The following ATXN7L1 variants were observed in gnomAD, a reference collection of about 807,000 sequenced individuals.
The protein encoded by ATXN7L1 is ataxin 7 like 1, also known as ataxin-7-like protein 1.
ATXN7L1 carries 15 observed loss-of-function variants against 70.8 expected under a neutral mutation model. The observed-to-expected ratio is 0.21, with a 90% CI of 0.14 to 0.33. The LOEUF is 0.33. ATXN7L1 is among the 10% of genes least tolerant of loss of function. The pLI is 1.00. For missense variants in ATXN7L1, 975 were observed against 1,097.1 expected, an observed-to-expected ratio of 0.89 and a Z score of 1.57; for synonymous variants, 440 against 445.1, an observed-to-expected ratio of 0.99 and a Z score of 0.14.
At chr7:105,726,409 A>C (rs1387984792) in intron 3 of ATXN7L1, among the ~76,000 whole-genome samples, 3 of 152,174 alleles carry the variant, frequency 2.0e-5, no homozygotes. Context: ...CACAGAAGTT[A>C]CCTTACATGT....
At position 105,860,949 on chromosome 7, in the gene ATXN7L1, C is replaced by T. The variant is rs553876316; in HGVS notation, c.250+14863G>A. ...GAGTCTGCAGCAGTGCAAGGAGGTG[C>T]GAGATTTGGGGGCAAAGTACACGCT... is the stretch of plus-strand genomic sequence containing the variant. On this transcript the variant is annotated intron_variant, in intron 2 of 11. Coordinates refer to ENST00000419735, the MANE Select transcript of ATXN7L1 (RefSeq NM_020725.2). 5.1e-4 allele frequency among the ~76,000 whole-genome samples: 78 copies of T among 152,230 alleles called. 1 individual carries two copies. Among genetic ancestry groups the T allele is most frequent in the Middle Eastern group, 6.8e-3 (2 of 294 alleles).
At chr7:105,769,317 T>C (rs1209886542) in intron 3 of ATXN7L1, among the ~76,000 whole-genome samples, 1 of 152,134 alleles carries the variant, frequency 6.6e-6, no homozygotes, top group Non-Finnish European at 1.5e-5. Flanking sequence ...TCTGGAAGCG[T>C]GACCATGGAA....
rs182154060 is a variant in ATXN7L1, at chr7:105,619,803, C to T, written c.1517+397G>A. ...AAACTCCTGGCCTCAAGCAATCCTC[C>T]TGCTTTGGCCTCCCAAGCGCTGGGA... On this transcript the variant is annotated intron_variant, in intron 9 of 11. Coordinates refer to ENST00000419735, the MANE Select transcript of ATXN7L1 (RefSeq NM_020725.2). Among the ~76,000 whole-genome samples, 619 of 151,932 alleles carry T rather than the reference C, an allele frequency of 4.1e-3. 6 individuals carry two copies. Among genetic ancestry groups the T allele is most frequent in the African/African-American group, 0.014 (591 of 41,410 alleles).
In ATXN7L1 at chr7:105,839,457, A is replaced by G. The variant is rs541054702; in HGVS notation, c.250+36355T>C. Among the ~76,000 whole-genome samples the G allele has an allele frequency of 4.6e-5, 7 of 152,282 alleles. 1 individual carries two copies. The East Asian group carries it at 1.2e-3, about 25-fold the overall frequency. ...AGCTTCCCCGTTTGGACTGGGTTCA[A>G]GATGGTACCTGATTAGCACATATGA... is the stretch of plus-strand genomic sequence containing the variant. On this transcript the variant is annotated intron_variant, in intron 2 of 11. Transcript: ENST00000419735.
intron 2 of ATXN7L1, among the ~76,000 whole-genome samples, chr7:105,849,958 A>G (rs1814633631): frequency 6.6e-6 from 1 of 152,068 alleles, no homozygotes; most frequent in Non-Finnish European, 1.5e-5. Context: ...TTGATACTCT[A>G]TTTTTGCCCT....
At chr7:105,667,470 C>A (rs1802800285) in intron 3 of ATXN7L1, among the ~76,000 whole-genome samples, 2 of 98,118 alleles carry the variant, frequency 2.0e-5, no homozygotes, top group South Asian at 5.8e-4. Context: ...GAGGCCGAGG[C>A]GGGCGGATCA....
At chr7:105,712,991 C>T (rs1215825287) in intron 3 of ATXN7L1, among the ~76,000 whole-genome samples, 1 of 152,170 alleles carries the variant, frequency 6.6e-6, no homozygotes, top group East Asian at 1.9e-4. Context: ...AATTGACTCA[C>T]AGTTCTGTAG....
At chr7:105,794,677 T>C (rs750599827) in intron 2 of ATXN7L1, among the ~76,000 whole-genome samples, 5 of 152,222 alleles carry the variant, frequency 3.3e-5, no homozygotes, top group Non-Finnish European at 7.3e-5. Context: ...CATCAATTAT[T>C]GACCTAAGAA....
chr7:105,803,986 G>T (rs1807199871), intron 2 of ATXN7L1, among the ~76,000 whole-genome samples: 1 of 152,136 alleles, frequency 6.6e-6, no homozygotes, highest in South Asian at 2.1e-4. Context: ...GTTCAATAGG[G>T]TTTGTGTCCC....
chr7:105,835,289 G>A (rs546720208), intron 2 of ATXN7L1, among the ~76,000 whole-genome samples: 1 of 151,184 alleles, frequency 6.6e-6, no homozygotes, highest in South Asian at 2.1e-4. Flanking sequence ...TGAGAAGCTG[G>A]GACTACAGGC....
At chr7:105,853,592 A>C (rs1815232097) in intron 2 of ATXN7L1, among the ~76,000 whole-genome samples, 1 of 150,904 alleles carries the variant, frequency 6.6e-6, no homozygotes, top group Non-Finnish European at 1.5e-5. Flanking sequence ...CAAACAAAAA[A>C]AACAAAAAAA....
At chr7:105,685,652 C>T (rs1359436901) in intron 3 of ATXN7L1, among the ~76,000 whole-genome samples, 1 of 152,180 alleles carries the variant, frequency 6.6e-6, no homozygotes, top group African/African-American at 2.4e-5. Context: ...CTTGTTGAGA[C>T]CAGAACCTGA....
Position 105,775,949 on chromosome 7 carries a change from C to T in ATXN7L1, c.355+12655G>A, listed in dbSNP as rs566827003. Among the ~76,000 whole-genome samples the T allele has an allele frequency of 2.6e-5, 4 of 152,226 alleles. No individual in the cohort carries two copies. The South Asian group carries it at 8.3e-4, about 32-fold the overall frequency. ...TGGGAGGGGGAGTCTGGCACAGTTT[C>T]CCAAGGGTATGCATCTACCCAAACC... On this transcript the variant is annotated intron_variant, in intron 3 of 11. Transcript: ENST00000419735.
chr7:105,718,737 A>G (rs1794851161), intron 3 of ATXN7L1, among the ~76,000 whole-genome samples: 1 of 152,230 alleles, frequency 6.6e-6, no homozygotes, highest in African/African-American at 2.4e-5. Context: ...TCAGGTATTC[A>G]GGTCAGATGT....
intron 3 of ATXN7L1, among the ~76,000 whole-genome samples, chr7:105,692,431 TCCCTCCCTC>T (rs1791111001): frequency 1.9e-5 from 2 of 107,126 alleles, no homozygotes; most frequent in Non-Finnish European, 3.8e-5. Context: ...CCTTCCTCCC[TCCCTCCCTC>T]CCTCCCTTCC....
chr7:105,762,888 T>C (rs1333411163), intron 3 of ATXN7L1, among the ~76,000 whole-genome samples: 2 of 152,234 alleles, frequency 1.3e-5, no homozygotes, highest in African/African-American at 4.8e-5. Flanking sequence ...TCAACTGCTA[T>C]GCTGTGAGCA....
At chr7:105,690,910 C>A (rs928159571) in intron 3 of ATXN7L1, among the ~76,000 whole-genome samples, 1 of 152,196 alleles carries the variant, frequency 6.6e-6, no homozygotes. Context: ...AACATGCACA[C>A]GGGCCCCCAA....
chr7:105,609,460 C>A (rs550066466), intron 11 of ATXN7L1, among the ~76,000 whole-genome samples: 1 of 150,484 alleles, frequency 6.6e-6, no homozygotes, highest in Admixed American at 6.6e-5. Flanking sequence ...AGCCACCATG[C>A]CTGGCCTAAA....
chr7:105,770,860 T>A (rs1464262364), intron 3 of ATXN7L1, among the ~76,000 whole-genome samples: 2 of 152,190 alleles, frequency 1.3e-5, no homozygotes, highest in Non-Finnish European at 2.9e-5. Flanking sequence ...CTTCTCAAAG[T>A]GGGTTCTGTG....
Sources: gnomAD v4.1 joint callset for allele counts (sites outside exome capture counted in the v4.1 genomes callset) on GRCh38, gnomAD v4.1.1 for gene constraint, MANE v1.5 for transcripts, NCBI Gene and HGNC (gene_info 2026-07-23, HGNC 2026-07-21) for gene names.